Variants in HTD2 observed in about 807,000 individuals in gnomAD.
HTD2 encodes hydroxyacyl-thioester dehydratase type 2, mitochondrial.
A neutral mutation model predicts 3.1 loss-of-function variants in HTD2; 1 was observed. The ratio of observed to expected loss-of-function variants is 0.32; its 90% CI spans 0.11 to 1.52. The LOEUF (loss-of-function observed/expected upper bound fraction) is 1.52, where lower values mean the gene tolerates loss of function less well. Among genes scored for constraint, HTD2 ranks in the 40% most tolerant of loss-of-function variants. The probability of loss-of-function intolerance (pLI) is 0.39; values close to 1 mark genes in which losing one functional copy is unlikely to be tolerated. For missense variants in HTD2, 150 were observed against 79.6 expected, an observed-to-expected ratio of 1.88 and a Z score of -3.36; for synonymous variants, 50 against 28.9, an observed-to-expected ratio of 1.73 and a Z score of -2.34.
rs1056493585 is a variant in HTD2, at chr3:58,312,546, G to A, written c.-331+1955G>A. Among the ~76,000 whole-genome samples the A allele has an allele frequency of 3.0e-4, 45 of 152,242 alleles. 1 individual carries two copies. In the East Asian group the frequency reaches 6.4e-3, roughly 22 times the overall value. On this transcript the variant is annotated intron_variant, in intron 2 of 4. Transcript: ENST00000461393. ...ATGCCTTCTGTTTGACAAGGAACACGTTAGACAAATGATTGTTGTAGCACA... is the reference window on the plus strand; with the variant it reads ...ATGCCTTCTGTTTGACAAGGAACACATTAGACAAATGATTGTTGTAGCACA...
At chr3:58,317,360 A>G in intron 4 of HTD2, 80 bp from the exon 5 acceptor site, 1 of 927,970 alleles carries the variant, frequency 1.1e-6, no homozygotes, top group Non-Finnish European at 1.7e-6. Context: ...TTTATCCTGT[A>G]AAACTGGGCA....
chr3:58,308,750 C>T (rs1485346225), intron 1 of HTD2, among the ~76,000 whole-genome samples: 1 of 152,078 alleles, frequency 6.6e-6, no homozygotes, highest in Non-Finnish European at 1.5e-5. Flanking sequence ...CCTCAGTTTC[C>T]TGTTCCCTGT....
chr3:58,312,507 G>T (rs1173135645), intron 2 of HTD2, among the ~76,000 whole-genome samples: 1 of 152,010 alleles, frequency 6.6e-6, no homozygotes, highest in Non-Finnish European at 1.5e-5. Context: ...GAATTTTGTT[G>T]GGTTTATTCT....
chr3:58,307,438 T>A (rs1008991811), intron 1 of HTD2, among the ~76,000 whole-genome samples: 1 of 152,172 alleles, frequency 6.6e-6, no homozygotes, highest in African/African-American at 2.4e-5. Context: ...AAAGGCTGAC[T>A]CTAGGCCGGG....
intron 2 of HTD2, among the ~76,000 whole-genome samples, chr3:58,310,928 CA>C (rs35474505): frequency 0.57 from 67,586 of 118,874 alleles, 16,144 homozygotes; most frequent in East Asian, 0.82. Flanking sequence ...GACTCTGTCA[CA>C]AAAAAAAAAA....
intron 1 of HTD2, 112 bp from the exon 2 acceptor site, chr3:58,310,395 G>A: frequency 6.2e-7 from 1 of 1,613,982 alleles, no homozygotes; most frequent in Non-Finnish European, 8.5e-7. Context: ...ACCACTACAT[G>A]AAAGTCTGCC....
intron 3 of HTD2, 50 bp from the exon 4 acceptor site, chr3:58,316,865 T>C (rs1210920181): frequency 6.8e-7 from 1 of 1,465,944 alleles, no homozygotes; most frequent in South Asian, 1.2e-5. Context: ...TTGAAGTTCA[T>C]TTTGTTCTCT....
chr3:58,319,558 T>G lies in HTD2; in HGVS notation c.*1438T>G, dbSNP rs1013731626. On this transcript the variant is annotated 3_prime_UTR_variant, in exon 5 of 5. Transcript: ENST00000461393. ...TATTAGTGTTCTTAAGTACAGTTTC[T>G]GTTATAAAAGTTCAGATTATTCCTT... is the stretch of plus-strand genomic sequence containing the variant. The G allele has an allele frequency of 6.6e-6, 1 of 152,162 alleles. No homozygotes were observed. Among genetic ancestry groups the G allele is most frequent in the Admixed American group, 6.5e-5 (1 of 15,272 alleles). 9.4% of individuals were successfully genotyped at this position (152,162 alleles called of 1,614,324 possible).
In HTD2 at chr3:58,306,522, C is replaced by T. The variant is rs2097474748; in HGVS notation, c.-545C>T. 1 of 152,182 alleles carries T rather than the reference C, an allele frequency of 6.6e-6. No individual in the cohort carries two copies. The highest frequency in any genetic ancestry group is 2.4e-5 in the African/African-American group (1 of 41,438). 9.4% of individuals were successfully genotyped at this position (152,182 alleles called of 1,614,324 possible). On this transcript the variant is annotated 5_prime_UTR_variant, in exon 1 of 5. Transcript: ENST00000461393. ...GGGCGGTGCGCCTTGGGTAGCTTGT[C>T]CTCTCCGACCCCGGGCGCTGAGGGC...
Position 58,317,631 on chromosome 3 carries a change from C to T in HTD2, c.18C>T (p.Ser6=). 1 of 732,540 alleles carries T rather than the reference C, an allele frequency of 1.4e-6. No individual in the cohort carries two copies. Among genetic ancestry groups the T allele is most frequent in the Non-Finnish European group, 2.4e-6 (1 of 410,650 alleles). 45.4% of individuals were successfully genotyped at this position (732,540 alleles called of 1,614,324 possible). Residue 6 remains serine (S), a synonymous_variant, in exon 5 of 5, where the codon TCC becomes TCT. Coordinates refer to ENST00000461393, the MANE Select transcript of HTD2 (RefSeq NM_001348712.2). ...TGCTGAAGATGTTCCCACTAATTTC[C>T]AGCCATCACCTTTGGTGGGGTGGGC... MFPLI[S]SHHLWWGGLR... is the part of the protein sequence containing the mutation.
intron 2 of HTD2, among the ~76,000 whole-genome samples, chr3:58,312,543 C>T (rs1259372315): frequency 1.3e-5 from 2 of 152,114 alleles, no homozygotes; most frequent in African/African-American, 2.4e-5. Flanking sequence ...TGACAAGGAA[C>T]ACGTTAGACA....
chr3:58,315,020 A>G (rs1038412719), intron 2 of HTD2, among the ~76,000 whole-genome samples: 2 of 152,154 alleles, frequency 1.3e-5, no homozygotes, highest in Admixed American at 1.3e-4. Context: ...TGCATCTGCC[A>G]TAGAACCCAG....
rs888010012 is a variant in HTD2 at position 58,319,999 on chromosome 3, T to C, written c.*1879T>C. The C allele has an allele frequency of 2.0e-5, 3 of 152,290 alleles. No homozygotes were observed. The highest frequency in any genetic ancestry group is 4.4e-5 in the Non-Finnish European group (3 of 68,028). 9.4% of individuals were successfully genotyped at this position (152,290 alleles called of 1,614,324 possible). On this transcript the variant is annotated 3_prime_UTR_variant, in exon 5 of 5. Coordinates refer to ENST00000461393, the MANE Select transcript of HTD2 (RefSeq NM_001348712.2). ...CAATCCATTTCTCTCCTCCAGTCTT[T>C]GGGAATCACCAGTCTACTTTCTGTC...
intron 2 of HTD2, among the ~76,000 whole-genome samples, chr3:58,314,811 A>G (rs2097486616): frequency 3.3e-5 from 5 of 150,250 alleles, no homozygotes; most frequent in Admixed American, 2.7e-4. Flanking sequence ...CAGCCTCCCA[A>G]GTAGCTAGGA....
At chr3:58,313,268 G>C (rs975765659) in intron 2 of HTD2, among the ~76,000 whole-genome samples, 1 of 152,024 alleles carries the variant, frequency 6.6e-6, no homozygotes, top group Non-Finnish European at 1.5e-5. Flanking sequence ...CAAAAAAAAG[G>C]CTCCTCATGA....
chr3:58,310,591 G>A lies in HTD2; in HGVS notation c.-331G>A. 1 of 1,609,036 alleles carries A rather than the reference G, an allele frequency of 6.2e-7. No individual in the cohort carries two copies. Among genetic ancestry groups the A allele is most frequent in the Non-Finnish European group, 8.5e-7 (1 of 1,177,870 alleles). ...CGGCTGTGAAGGACCTGTTTGGGGA[G>A]GTATGGAATCACTTGGTAGATTGAA... On this transcript the variant is annotated splice_region_variant and 5_prime_UTR_variant, in exon 2 of 5. Transcript: ENST00000461393.
intron 2 of HTD2, among the ~76,000 whole-genome samples, chr3:58,311,380 C>T (rs532584046): frequency 6.6e-6 from 1 of 152,312 alleles, no homozygotes; most frequent in East Asian, 1.9e-4. Context: ...GTCTTGAACT[C>T]CTGACCTCAG....
rs1460435430 is a variant in HTD2 at position 58,309,759 on chromosome 3, G to T, written c.-415-748G>T. ...ACAAAAAAGGTAGCCGGGCGTGGTA[G>T]CACATTCCTATAATCCCAGCTACTC... On this transcript the variant is annotated intron_variant, in intron 1 of 4. Transcript: ENST00000461393. Among the ~76,000 whole-genome samples the T allele has an allele frequency of 2.0e-5, 3 of 152,252 alleles. No individual in the cohort carries two copies. In the East Asian group the frequency reaches 5.8e-4, roughly 29 times the overall value.
rs982778931 is a variant in HTD2 at position 58,320,134 on chromosome 3, C to T, written c.*2014C>T. On this transcript the variant is annotated 3_prime_UTR_variant, in exon 5 of 5. Coordinates refer to ENST00000461393, the MANE Select transcript of HTD2 (RefSeq NM_001348712.2). ...TTTTCAGGGTTCATCCATGTTACAG[C>T]ATGTATCAGTACATCATTTTATTTT... 6 of 152,058 alleles carry T rather than the reference C, an allele frequency of 3.9e-5. No homozygotes were observed. Among genetic ancestry groups the T allele is most frequent in the Non-Finnish European group, 7.4e-5 (5 of 68,008 alleles). The allele number at this position is 152,058 out of a possible 1,614,324, so 9.4% of individuals were successfully genotyped here.
Sources: gnomAD v4.1 joint callset for allele counts (sites outside exome capture counted in the v4.1 genomes callset) on GRCh38, gnomAD v4.1.1 for gene constraint, MANE v1.5 for transcripts, NCBI Gene and HGNC (gene_info 2026-07-23, HGNC 2026-07-21) for gene names.